Variants in ANTXR1 observed in about 807,000 individuals in gnomAD.
ANTXR1 encodes the protein ANTXR cell adhesion molecule 1, also known as anthrax toxin receptor 1.
Under a neutral mutation model 78.1 loss-of-function variants are expected in ANTXR1, and 19 were observed. That is an observed-to-expected ratio of 0.24 (90% confidence interval 0.17 to 0.36). The LOEUF (loss-of-function observed/expected upper bound fraction) is 0.36, where lower values mean the gene tolerates loss of function less well. Among genes scored for constraint, ANTXR1 ranks in the 10% least tolerant of loss-of-function variants. The pLI, the probability that ANTXR1 is intolerant of heterozygous loss-of-function variation, is 1.00. For synonymous variants in ANTXR1, 273 were observed against 260.5 expected (o/e 1.05, Z -0.46); for missense variants, 518 against 718.6 (o/e 0.72, Z 3.19).
chr2:69,180,162 T>A (rs892438824), intron 14 of ANTXR1, among the ~76,000 whole-genome samples: 15 of 152,242 alleles, frequency 9.9e-5, no homozygotes, highest in Non-Finnish European at 1.8e-4. Context: ...TTTGTCACCT[T>A]TTGTCCTGAC....
chr2:69,222,391 A>C (rs943726084), intron 17 of ANTXR1, among the ~76,000 whole-genome samples: 3 of 152,200 alleles, frequency 2.0e-5, no homozygotes, highest in African/African-American at 7.2e-5. Context: ...TCCTTCAGTG[A>C]TTTTAAGTGG....
At chr2:69,233,234 G>A (rs1426700380) in intron 17 of ANTXR1, among the ~76,000 whole-genome samples, 1 of 151,914 alleles carries the variant, frequency 6.6e-6, no homozygotes, top group Non-Finnish European at 1.5e-5. Context: ...CAGAAATACA[G>A]AACATATAAA....
chr2:69,067,904 A>G (rs983146792), intron 3 of ANTXR1, among the ~76,000 whole-genome samples: 8 of 152,218 alleles, frequency 5.3e-5, no homozygotes, highest in Non-Finnish European at 1.0e-4. Context: ...ACAGAGTTTG[A>G]AATTAAAGTA....
At chr2:69,209,456 CAT>C (rs755115886) in intron 17 of ANTXR1, among the ~76,000 whole-genome samples, 14 of 152,226 alleles carry the variant, frequency 9.2e-5, no homozygotes, top group Non-Finnish European at 2.1e-4. Flanking sequence ...TCTTTCAACA[CAT>C]GTTTATTTGT....
At chr2:69,038,515 AAAG>A (rs1228696272) in intron 1 of ANTXR1, among the ~76,000 whole-genome samples, 1 of 152,250 alleles carries the variant, frequency 6.6e-6, no homozygotes, top group African/African-American at 2.4e-5. Flanking sequence ...GTTGTTCAAA[AAAG>A]AACAAAGGAT....
At chr2:69,170,330 G>A in intron 14 of ANTXR1, 41 bp downstream of exon 14, 1 of 1,612,232 alleles carries the variant, frequency 6.2e-7, no homozygotes, top group Non-Finnish European at 8.5e-7. Context: ...GGGCAGGGTG[G>A]CAGAGTAGGG....
chr2:69,186,235 T>C (rs781754491), intron 16 of ANTXR1, among the ~76,000 whole-genome samples: 11 of 152,126 alleles, frequency 7.2e-5, no homozygotes, highest in Non-Finnish European at 1.5e-4. Flanking sequence ...GAAAAAGAGA[T>C]TGTTTTAGAT....
intron 10 of ANTXR1, among the ~76,000 whole-genome samples, chr2:69,122,612 T>C (rs1299363892): frequency 6.6e-6 from 1 of 152,180 alleles, no homozygotes; most frequent in Admixed American, 6.5e-5. Flanking sequence ...ATTATTATTA[T>C]ACGTTAAGTT....
At chr2:69,015,516 A>AG (rs1190407487) in intron 1 of ANTXR1, among the ~76,000 whole-genome samples, 2 of 152,034 alleles carry the variant, frequency 1.3e-5, no homozygotes, top group African/African-American at 4.8e-5. Flanking sequence ...TTAAAAAAAA[A>AG]TGGTTCCTGG....
chr2:69,125,850 T>A (rs1381715684), intron 12 of ANTXR1, among the ~76,000 whole-genome samples: 15 of 151,504 alleles, frequency 9.9e-5, no homozygotes, highest in Non-Finnish European at 1.5e-5. Flanking sequence ...AAAAAAAAAA[T>A]TAAAAAAAGA....
At chr2:69,236,277 AGT>A (rs758832941) in intron 17 of ANTXR1, among the ~76,000 whole-genome samples, 12 of 152,060 alleles carry the variant, frequency 7.9e-5, no homozygotes, top group Admixed American at 3.9e-4. Flanking sequence ...AATCATATGT[AGT>A]GTGTGTGTGT....
intron 17 of ANTXR1, among the ~76,000 whole-genome samples, chr2:69,243,758 A>G (rs1574001031): frequency 6.6e-6 from 1 of 152,306 alleles, no homozygotes; most frequent in Non-Finnish European, 1.5e-5. Context: ...TTCAGGCTGG[A>G]CACCACAGGA....
chr2:69,211,636 C>G (rs1675046485), intron 17 of ANTXR1, among the ~76,000 whole-genome samples: 2 of 152,362 alleles, frequency 1.3e-5, no homozygotes, highest in African/African-American at 4.8e-5. Context: ...AATAAGCCAA[C>G]ATGCATTGGG....
Position 69,152,101 on chromosome 2 carries a change from G to T in ANTXR1, c.952-68G>T, listed in dbSNP as rs973584784. 2.8e-6 allele frequency: 4 copies of T among 1,449,714 alleles called. No individual in the cohort carries two copies. In the African/African-American group the frequency reaches 5.6e-5, roughly 20 times the overall value. 89.8% of individuals were successfully genotyped at this position (1,449,714 alleles called of 1,614,324 possible). ...CCTTAAATCTGCATATCAGTGATGGGAGTTTGGGGAGGGAAGATCACACAT... is the reference window on the plus strand; with the variant it reads ...CCTTAAATCTGCATATCAGTGATGGTAGTTTGGGGAGGGAAGATCACACAT... On this transcript the variant is annotated intron_variant, in intron 12 of 17. Coordinates refer to ENST00000303714, the MANE Select transcript of ANTXR1 (RefSeq NM_032208.3).
chr2:69,098,191 T>C (rs140047995), intron 9 of ANTXR1, among the ~76,000 whole-genome samples: 3 of 152,342 alleles, frequency 2.0e-5, no homozygotes, highest in African/African-American at 7.2e-5. Flanking sequence ...TGTGTACATA[T>C]GTCAAAATTT....
chr2:69,083,981 G>A (rs1670970717), intron 8 of ANTXR1, among the ~76,000 whole-genome samples: 1 of 152,182 alleles, frequency 6.6e-6, no homozygotes, highest in African/African-American at 2.4e-5. Flanking sequence ...TTTCTATTCA[G>A]CTTATTAAAA....
At chr2:69,218,305 G>C (rs1467536392) in intron 17 of ANTXR1, among the ~76,000 whole-genome samples, 1 of 152,120 alleles carries the variant, frequency 6.6e-6, no homozygotes, top group Non-Finnish European at 1.5e-5. Context: ...CAAGCTGAAG[G>C]CAATAATACT....
chr2:69,244,492 C>T (rs1033372092), intron 17 of ANTXR1, among the ~76,000 whole-genome samples: 2 of 152,134 alleles, frequency 1.3e-5, no homozygotes, highest in Non-Finnish European at 2.9e-5. Flanking sequence ...GAAGGCAAGG[C>T]GTGGATGAGG....
intron 12 of ANTXR1, among the ~76,000 whole-genome samples, chr2:69,151,924 A>G (rs781760638): frequency 3.9e-5 from 6 of 152,174 alleles, no homozygotes; most frequent in Non-Finnish European, 8.8e-5. Context: ...GTCTTTCAAA[A>G]TGTTCCTCAA....
Sources: gnomAD v4.1 joint callset for allele counts (sites outside exome capture counted in the v4.1 genomes callset) on GRCh38, gnomAD v4.1.1 for gene constraint, MANE v1.5 for transcripts, NCBI Gene and HGNC (gene_info 2026-07-23, HGNC 2026-07-21) for gene names.